The following CEND1 variants were observed in gnomAD, a reference collection of about 807,000 sequenced individuals.
CEND1 encodes the protein cell cycle exit and neuronal differentiation protein 1.
CEND1 carries 1 observed loss-of-function variant against 4.4 expected under a neutral mutation model. The ratio of observed to expected loss-of-function variants is 0.23; its 90% confidence interval spans 0.08 to 1.09. The LOEUF (loss-of-function observed/expected upper bound fraction) is 1.09. CEND1 is among the 50% of genes least tolerant of loss of function. The pLI is 0.55. For missense variants in CEND1, 213 were observed against 201.2 expected (o/e 1.06, Z -0.35); for synonymous variants, 109 against 93.0 (o/e 1.17, Z -0.99).
At position 787,831 on chromosome 11, in the gene CEND1, G is replaced by A. The variant is rs919723237; in HGVS notation, c.*296C>T. Reference sequence around the variant, plus strand: ...AGGATCACCCAGCCGCCAGGGGTGGGGGGGGCCACACACAGGGTCCATTCC... The same window carrying A: ...AGGATCACCCAGCCGCCAGGGGTGGAGGGGGCCACACACAGGGTCCATTCC... On this transcript the variant is annotated 3_prime_UTR_variant, in exon 2 of 2. Transcript: ENST00000330106. 2.9e-5 allele frequency: 7 copies of A among 242,840 alleles called. No homozygotes were observed. Among genetic ancestry groups the A allele is most frequent in the Non-Finnish European group, 5.5e-5 (7 of 127,670 alleles). The allele number at this position is 242,840 out of a possible 1,614,324, so 15.0% of individuals were successfully genotyped here. A position where few individuals can be genotyped will look rare whatever the true frequency, so the allele number is the denominator to read the frequency against.
Position 788,159 on chromosome 11 carries a change from G to A in CEND1, c.418C>T (p.Leu140Phe). 6.3e-7 allele frequency: 1 copy of A among 1,583,970 alleles called. No homozygotes were observed. The highest frequency in any genetic ancestry group is 8.5e-7 in the Non-Finnish European group (1 of 1,170,564). ...GVAVAAIALI[L>F]GVAFLVRKK Reference sequence around the variant, plus strand: ...TTCCGGACCAGGAAGGCCACACCGAGAATCAGGGCTATGGCTGCCACGGCC... The same window carrying A: ...TTCCGGACCAGGAAGGCCACACCGAAAATCAGGGCTATGGCTGCCACGGCC... The change falls in exon 2 of 2, where the codon CTC (leucine) becomes TTC (phenylalanine). Residue 140 changes from leucine (L) to phenylalanine (F), a missense_variant. Transcript: ENST00000330106.
chr11:788,217 C>A lies in CEND1; in HGVS notation c.360G>T (p.Glu120Asp), dbSNP rs1193484681. 2 of 1,610,320 alleles carry A rather than the reference C, an allele frequency of 1.2e-6. No homozygotes were observed. Among genetic ancestry groups the A allele is most frequent in the South Asian group, 1.1e-5 (1 of 90,604 alleles). ...GPGGRGPWSC[E>D]NFNPLLVAGG... ...CAGCCACCAGCAGGGGGTTGAAGTT[C>A]TCACAGGACCAGGGACCTCGGCCCC... The change falls in exon 2 of 2, where the codon GAG becomes GAT. Residue 120 changes from glutamate (E) to aspartate (D), a missense_variant. Transcript: ENST00000330106.
In CEND1 at chr11:787,988, G is replaced by C. The variant is rs761600787; in HGVS notation, c.*139C>G. 6 of 636,612 alleles carry C rather than the reference G, an allele frequency of 9.4e-6. No individual in the cohort carries two copies. The highest frequency in any genetic ancestry group is 1.4e-5 in the Non-Finnish European group (6 of 417,656). 39.4% of individuals were successfully genotyped at this position (636,612 alleles called of 1,614,324 possible). A position where few individuals can be genotyped will look rare whatever the true frequency, so the allele number is the denominator to read the frequency against. On this transcript the variant is annotated 3_prime_UTR_variant, in exon 2 of 2. Coordinates refer to ENST00000330106, the MANE Select transcript of CEND1 (RefSeq NM_016564.4). ...GGTGGGCTCGGGCGTCCTCTTCACC[G>C]TGCGCGTGTGTTGGGGGCGTATGTA... is the stretch of plus-strand genomic sequence containing the variant.
At position 788,558 on chromosome 11, in the gene CEND1, A is replaced by G. The variant is rs746886290; in HGVS notation, c.19T>C (p.Ser7Pro). 3 of 1,516,402 alleles carry G rather than the reference A, an allele frequency of 2.0e-6. No homozygotes were observed. In the South Asian group the frequency reaches 3.9e-5, roughly 20 times the overall value. The allele number at this position is 1,516,402 out of a possible 1,614,324, so 93.9% of individuals were successfully genotyped here. A position where few individuals can be genotyped will look rare whatever the true frequency, so the allele number is the denominator to read the frequency against. ...GTGTCGGGCTTGGGGCTGCTGGCTG[A>G]CTTCCCTCTGGACTCCATGGTGGGC... MESRGK[S>P]ASSPKPDTKV... The change falls in exon 2 of 2, where the codon TCA becomes CCA. Residue 7 changes from serine to proline, a missense_variant. Physicochemically the swap from Ser to Pro is moderately conservative, Grantham distance 74. Transcript: ENST00000330106.
In CEND1 at chr11:788,453, T is replaced by C. The variant is rs1294128732; in HGVS notation, c.124A>G (p.Lys42Glu). 9 of 1,573,554 alleles carry C rather than the reference T, an allele frequency of 5.7e-6. No individual in the cohort carries two copies. The highest frequency in any genetic ancestry group is 2.3e-5 in the East Asian group (1 of 44,300). ...GKAPLTKPSK[K>E]EAPAEKQQPP... ...TGCTGCTTCTCGGCCGGGGCCTCCT[T>C]CTTCGAGGGCTTGGTCAAGGGGGCT... The change falls in exon 2 of 2, where the codon AAG becomes GAG. Residue 42 changes from lysine to glutamate, a missense_variant. By Grantham distance (56) the Lys-to-Glu change is moderately conservative. Coordinates refer to ENST00000330106, the MANE Select transcript of CEND1 (RefSeq NM_016564.4).
At chr11:789,029 C>T (rs888956501) in intron 1 of CEND1, among the ~76,000 whole-genome samples, 3 of 152,208 alleles carry the variant, frequency 2.0e-5, no homozygotes, top group Non-Finnish European at 4.4e-5. Context: ...TTCTCCCCTC[C>T]AAGGAGGTGA....
Position 787,819 on chromosome 11 carries a change from C to T in CEND1, c.*308G>A, listed in dbSNP as rs939747038. On this transcript the variant is annotated 3_prime_UTR_variant, in exon 2 of 2. Coordinates refer to ENST00000330106, the MANE Select transcript of CEND1 (RefSeq NM_016564.4). The stretch of plus-strand genomic sequence containing the variant: ...CCCTGGGGGCCCAGGATCACCCAGC[C>T]GCCAGGGGTGGGGGGGGCCACACAC... The T allele has an allele frequency of 1.7e-4, 27 of 159,334 alleles. No individual in the cohort carries two copies. Among genetic ancestry groups the T allele is most frequent in the African/African-American group, 8.2e-4 (21 of 25,754 alleles). The allele number at this position is 159,334 out of a possible 1,614,324, so 9.9% of individuals were successfully genotyped here.
At chr11:789,542 G>A (rs989318373) in intron 1 of CEND1, among the ~76,000 whole-genome samples, 10 of 152,274 alleles carry the variant, frequency 6.6e-5, no homozygotes, top group African/African-American at 2.4e-4. Flanking sequence ...GGGCCCAGCC[G>A]CCCTGAACCT....
chr11:788,312 C>G lies in CEND1; in HGVS notation c.265G>C (p.Asp89His). 1 of 1,611,828 alleles carries G rather than the reference C, an allele frequency of 6.2e-7. No homozygotes were observed. The highest frequency in any genetic ancestry group is 2.2e-5 in the East Asian group (1 of 44,818). ...KPAPTVPSSP[D>H]ATPEPKGPGD... ...GGACCCTTGGGCTCCGGGGTTGCATCGGGACTGCTGGGGACCGTGGGGGCT... is the reference window on the plus strand; with the variant it reads ...GGACCCTTGGGCTCCGGGGTTGCATGGGGACTGCTGGGGACCGTGGGGGCT... The change falls in exon 2 of 2, where the codon GAT becomes CAT. Residue 89 changes from aspartate to histidine, a missense_variant. By Grantham distance (81) the Asp-to-His change is moderately conservative. Transcript: ENST00000330106.
At chr11:788,972 T>C (rs949212545) in intron 1 of CEND1, among the ~76,000 whole-genome samples, 2 of 152,132 alleles carry the variant, frequency 1.3e-5, no homozygotes, top group African/African-American at 4.8e-5. Context: ...CAGGAGGCTC[T>C]TGGTGGGGAA....
At chr11:789,589 T>C (rs1590114372) in intron 1 of CEND1, among the ~76,000 whole-genome samples, 1 of 152,146 alleles carries the variant, frequency 6.6e-6, no homozygotes. Flanking sequence ...AGGCCGCCTG[T>C]CTGCCTCTCC....
rs773322595 is a variant in CEND1, at chr11:788,425, G to A, written c.152C>T (p.Pro51Leu). 15 of 1,583,988 alleles carry A rather than the reference G, an allele frequency of 9.5e-6. No homozygotes were observed. Among genetic ancestry groups the A allele is most frequent in the South Asian group, 1.1e-5 (1 of 88,854 alleles). The change falls in exon 2 of 2, where the codon CCG becomes CTG. Residue 51 changes from proline to leucine, a missense_variant. Transcript: ENST00000330106. ...AGGTGCCGTGGTGGGGGCTGCTGGC[G>A]GCTGCTGCTTCTCGGCCGGGGCCTC... is the stretch of plus-strand genomic sequence containing the variant. ...KKEAPAEKQQ[P>L]PAAPTTAPAK...
rs1864377865 is a variant in CEND1 at position 787,845 on chromosome 11, A to ACG, written c.*281_*282insCG. 10 of 258,148 alleles carry ACG rather than the reference A, an allele frequency of 3.9e-5. No homozygotes were observed. Among genetic ancestry groups the ACG allele is most frequent in the Non-Finnish European group, 6.5e-5 (9 of 137,420 alleles). 16.0% of individuals were successfully genotyped at this position (258,148 alleles called of 1,614,324 possible). ...GCCAGGGGTGGGGGGGGCCACACAC[A>ACG]GGGTCCATTCCTTTCTTGCCGTTCC... is the stretch of plus-strand genomic sequence containing the variant. On this transcript the variant is annotated 3_prime_UTR_variant, in exon 2 of 2. Coordinates refer to ENST00000330106, the MANE Select transcript of CEND1 (RefSeq NM_016564.4).
rs1405902284 is a variant in CEND1, at chr11:787,446, A to T, written c.*681T>A. Reference sequence around the variant, plus strand: ...GGCAGTCTAGCGGGGCAGGGCGGGCACAGCTGTGAGGGGCCCTCGACATCC... The same window carrying T: ...GGCAGTCTAGCGGGGCAGGGCGGGCTCAGCTGTGAGGGGCCCTCGACATCC... On this transcript the variant is annotated 3_prime_UTR_variant, in exon 2 of 2. Coordinates refer to ENST00000330106, the MANE Select transcript of CEND1 (RefSeq NM_016564.4). 1 of 152,612 alleles carries T rather than the reference A, an allele frequency of 6.6e-6. No homozygotes were observed. Among genetic ancestry groups the T allele is most frequent in the Non-Finnish European group, 1.5e-5 (1 of 68,130 alleles). The allele number at this position is 152,612 out of a possible 1,614,324, so 9.5% of individuals were successfully genotyped here. A position where few individuals can be genotyped will look rare whatever the true frequency, so the allele number is the denominator to read the frequency against.
Position 787,998 on chromosome 11 carries a change from G to C in CEND1, c.*129C>G, listed in dbSNP as rs1270200318. 1 of 709,400 alleles carries C rather than the reference G, an allele frequency of 1.4e-6. No homozygotes were observed. 43.9% of individuals were successfully genotyped at this position (709,400 alleles called of 1,614,324 possible). On this transcript the variant is annotated 3_prime_UTR_variant, in exon 2 of 2. Coordinates refer to ENST00000330106, the MANE Select transcript of CEND1 (RefSeq NM_016564.4). Reference sequence around the variant, plus strand: ...GGCGTCCTCTTCACCGTGCGCGTGTGTTGGGGGCGTATGTAGGTGTGTAAT... The same window carrying C: ...GGCGTCCTCTTCACCGTGCGCGTGTCTTGGGGGCGTATGTAGGTGTGTAAT...
At position 787,965 on chromosome 11, in the gene CEND1, T is replaced by G; in HGVS notation, c.*162A>C. On this transcript the variant is annotated 3_prime_UTR_variant, in exon 2 of 2. Transcript: ENST00000330106. ...TGGGGAAGTCCTGGGTCAGCAGGGG[T>G]GGGCTCGGGCGTCCTCTTCACCGTG... 1 of 496,122 alleles carries G rather than the reference T, an allele frequency of 2.0e-6. No individual in the cohort carries two copies. The allele number at this position is 496,122 out of a possible 1,614,324, so 30.7% of individuals were successfully genotyped here.
In CEND1 at chr11:788,021, A is replaced by T; in HGVS notation, c.*106T>A. On this transcript the variant is annotated 3_prime_UTR_variant, in exon 2 of 2. Transcript: ENST00000330106. The stretch of plus-strand genomic sequence containing the variant: ...GTGTTGGGGGCGTATGTAGGTGTGT[A>T]ATGAATGTGCGTGTGTACGAATAGG... 1.1e-6 allele frequency: 1 copy of T among 883,388 alleles called. No homozygotes were observed. The highest frequency in any genetic ancestry group is 1.6e-6 in the Non-Finnish European group (1 of 615,916). 54.7% of individuals were successfully genotyped at this position (883,388 alleles called of 1,614,324 possible). A position where few individuals can be genotyped will look rare whatever the true frequency, so the allele number is the denominator to read the frequency against.
In CEND1 at chr11:787,806, A is replaced by C; in HGVS notation, c.*321T>G. 1 of 195,330 alleles carries C rather than the reference A, an allele frequency of 5.1e-6. No individual in the cohort carries two copies. Among genetic ancestry groups the C allele is most frequent in the Non-Finnish European group, 1.0e-5 (1 of 99,970 alleles). The allele number at this position is 195,330 out of a possible 1,614,324, so 12.1% of individuals were successfully genotyped here. On this transcript the variant is annotated 3_prime_UTR_variant, in exon 2 of 2. Coordinates refer to ENST00000330106, the MANE Select transcript of CEND1 (RefSeq NM_016564.4). ...GCACTCAGACCAGCCCTGGGGGCCC[A>C]GGATCACCCAGCCGCCAGGGGTGGG...
intron 1 of CEND1, among the ~76,000 whole-genome samples, chr11:788,949 C>T (rs1386368599): frequency 6.6e-6 from 1 of 152,168 alleles, no homozygotes; most frequent in Non-Finnish European, 1.5e-5. Context: ...CACATCCTCC[C>T]ACCAGCCGGG....
Sources: allele counts gnomAD v4.1 joint callset (sites outside exome capture counted in the v4.1 genomes callset), GRCh38; gene constraint gnomAD v4.1.1; transcripts MANE v1.5; gene names NCBI Gene and HGNC (gene_info 2026-07-23, HGNC 2026-07-21).